TMED3: variants seen among roughly 807,000 people sequenced by gnomAD.
TMED3 encodes the protein transmembrane emp24 domain-containing protein 3.
TMED3 carries 9 observed loss-of-function variants against 15.0 expected under a neutral mutation model. The observed-to-expected ratio is 0.60, with a 90% CI of 0.36 to 1.04. TMED3 has a LOEUF of 1.04. Among genes scored for constraint, TMED3 ranks in the 50% least tolerant of loss-of-function variants. The pLI is 0.01. For synonymous variants in TMED3, 117 were observed against 121.4 expected (o/e 0.96, Z 0.24); for missense variants, 267 against 278.9 (o/e 0.96, Z 0.30).
intron 2 of TMED3, among the ~76,000 whole-genome samples, chr15:79,403,930 A>G (rs1216513458): frequency 3.3e-5 from 5 of 152,136 alleles, no homozygotes; most frequent in Non-Finnish European, 7.3e-5. Flanking sequence ...CATTGTATAT[A>G]TTGCATTCTG....
chr15:79,375,937 T>C (rs1333593921), intron 2 of TMED3, among the ~76,000 whole-genome samples: 1 of 152,092 alleles, frequency 6.6e-6, no homozygotes, highest in Non-Finnish European at 1.5e-5. Flanking sequence ...GCATCCAAGG[T>C]GAAGGGCAAA....
In TMED3 at chr15:79,411,498, C is replaced by G. The variant is rs1050839950; in HGVS notation, c.516C>G (p.Pro172=). Residue 172 remains proline, a synonymous_variant, in exon 3 of 3, where the codon CCC becomes CCG. Transcript: ENST00000424155. ...CCGAGGGACTGGGACGACTGGCACC[C>G]TCCTAACAGATTTTCAGCGGGGAGG... 1.0e-5 allele frequency: 7 copies of G among 702,314 alleles called. No individual in the cohort carries two copies. The Admixed American group carries it at 1.4e-4, about 14-fold the overall frequency. The allele number at this position is 702,314 out of a possible 1,614,324, so 43.5% of individuals were successfully genotyped here.
Position 79,322,438 on chromosome 15 carries a change from A to T in TMED3, c.*224A>T. On this transcript the variant is annotated 3_prime_UTR_variant, in exon 3 of 3. Transcript: ENST00000299705. ...CGACTGCATTAAGTGTGCAGCGCTGAAAAGACATTTACAACTAGGCCAGGG... is the reference window on the plus strand; with the variant it reads ...CGACTGCATTAAGTGTGCAGCGCTGTAAAGACATTTACAACTAGGCCAGGG... 2.9e-6 allele frequency: 4 copies of T among 1,375,446 alleles called. No individual in the cohort carries two copies. Among genetic ancestry groups the T allele is most frequent in the Non-Finnish European group, 2.8e-6 (3 of 1,066,986 alleles). 85.2% of individuals were successfully genotyped at this position (1,375,446 alleles called of 1,614,324 possible). A position where few individuals can be genotyped will look rare whatever the true frequency, so the allele number is the denominator to read the frequency against.
intron 2 of TMED3, among the ~76,000 whole-genome samples, chr15:79,388,452 T>G (rs1567038425): frequency 6.6e-6 from 1 of 152,140 alleles, no homozygotes; most frequent in Non-Finnish European, 1.5e-5. Context: ...CTGAGTAGTA[T>G]TCAATTTTGT....
chr15:79,334,622 G>A (rs1012748623), intron 2 of TMED3, among the ~76,000 whole-genome samples: 19 of 152,190 alleles, frequency 1.2e-4, no homozygotes, highest in African/African-American at 4.1e-4. Flanking sequence ...CCCACACAGT[G>A]TGACTCTTCA....
At chr15:79,372,364 C>A (rs1893355564) in intron 2 of TMED3, among the ~76,000 whole-genome samples, 1 of 152,318 alleles carries the variant, frequency 6.6e-6, no homozygotes, top group South Asian at 2.1e-4. Context: ...ACCTTCTCTG[C>A]AGAATTTTCT....
At chr15:79,341,558 A>G (rs1414169598) in intron 2 of TMED3, among the ~76,000 whole-genome samples, 1 of 152,218 alleles carries the variant, frequency 6.6e-6, no homozygotes, top group Non-Finnish European at 1.5e-5. Flanking sequence ...TTAGCGAGGC[A>G]GATGGAGAAG....
chr15:79,371,419 G>T (rs1893336286), intron 2 of TMED3, among the ~76,000 whole-genome samples: 1 of 152,048 alleles, frequency 6.6e-6, no homozygotes, highest in African/African-American at 2.4e-5. Context: ...GGTTCTTATT[G>T]CCTGCTGCCC....
intron 2 of TMED3, among the ~76,000 whole-genome samples, chr15:79,410,236 TA>T (rs1893956276): frequency 6.6e-6 from 1 of 152,164 alleles, no homozygotes; most frequent in Non-Finnish European, 1.5e-5. Flanking sequence ...CATGGTTAAA[TA>T]AACAAGACAT....
At position 79,353,575 on chromosome 15, in the gene TMED3, T is replaced by TACGC. The variant is rs376408980; in HGVS notation, c.417+39572_417+39573insGCAC. ...GATTTTAACCACTGGGGGTTAAAAA[T>TACGC]ACACACACACACACACACACACACA... is the stretch of plus-strand genomic sequence containing the variant. On this transcript the variant is annotated intron_variant, in intron 2 of 2. Coordinates refer to the TMED3 transcript ENST00000424155. Among the ~76,000 whole-genome samples, 4 of 135,596 alleles carry TACGC rather than the reference T, an allele frequency of 2.9e-5. No homozygotes were observed. The East Asian group carries it at 8.6e-4, about 29-fold the overall frequency. The allele number at this position is 135,596 out of a possible 152,430, so 89.0% of individuals were successfully genotyped here. A position where few individuals can be genotyped will look rare whatever the true frequency, so the allele number is the denominator to read the frequency against.
At chr15:79,347,278 AC>A (rs1335405540) in intron 2 of TMED3, among the ~76,000 whole-genome samples, 1 of 152,176 alleles carries the variant, frequency 6.6e-6, no homozygotes, top group Non-Finnish European at 1.5e-5. Flanking sequence ...AAGACAAAAA[AC>A]CCACATGATT....
At chr15:79,387,105 T>C (rs1274275604) in intron 2 of TMED3, among the ~76,000 whole-genome samples, 1 of 152,150 alleles carries the variant, frequency 6.6e-6, no homozygotes, top group Non-Finnish European at 1.5e-5. Context: ...TTATGGCTTC[T>C]ACAAAATGCC....
chr15:79,375,009 T>G (rs1204860544), intron 2 of TMED3, among the ~76,000 whole-genome samples: 2 of 152,218 alleles, frequency 1.3e-5, no homozygotes. Context: ...ATCCTTAAAT[T>G]GCTAATCTTA....
At position 79,409,752 on chromosome 15, in the gene TMED3, G is replaced by A. The variant is rs76543513; in HGVS notation, c.418-1648G>A. ...GAATGCCTTTGGTTTGCCTGGAGCC[G>A]AGTGACAGCTATGTATTATGGGTGA... On this transcript the variant is annotated intron_variant, in intron 2 of 2. Coordinates refer to the TMED3 transcript ENST00000424155. Among the ~76,000 whole-genome samples, 133 of 152,266 alleles carry A rather than the reference G, an allele frequency of 8.7e-4. No homozygotes were observed. In the East Asian group the frequency reaches 0.022, roughly 26 times the overall value.
At chr15:79,346,687 T>A (rs975956323) in intron 2 of TMED3, among the ~76,000 whole-genome samples, 1 of 152,176 alleles carries the variant, frequency 6.6e-6, no homozygotes, top group African/African-American at 2.4e-5. Flanking sequence ...CTTGAATTGA[T>A]TTTTGTATAT....
chr15:79,402,701 G>T (rs1475567793), intron 2 of TMED3, among the ~76,000 whole-genome samples: 2 of 151,822 alleles, frequency 1.3e-5, no homozygotes, highest in African/African-American at 4.8e-5. Context: ...GCAGGGAATT[G>T]CTTGAACCCA....
At chr15:79,368,759 C>T (rs1281434779) in intron 2 of TMED3, among the ~76,000 whole-genome samples, 1 of 151,768 alleles carries the variant, frequency 6.6e-6, no homozygotes, top group Non-Finnish European at 1.5e-5. Flanking sequence ...CTTCTTGTTC[C>T]CCTGATTTTC....
chr15:79,402,374 T>G (rs1893845650), intron 2 of TMED3, among the ~76,000 whole-genome samples: 1 of 152,206 alleles, frequency 6.6e-6, no homozygotes, highest in Non-Finnish European at 1.5e-5. Context: ...ATGCTGAGGC[T>G]TTAGAGAAGC....
chr15:79,367,208 T>G (rs535487388), intron 2 of TMED3, among the ~76,000 whole-genome samples: 37 of 152,298 alleles, frequency 2.4e-4, no homozygotes, highest in African/African-American at 8.7e-4. Flanking sequence ...GATGCAGAAC[T>G]AAAACAGAGT....
Sources: gnomAD v4.1 joint callset for allele counts (sites outside exome capture counted in the v4.1 genomes callset) on GRCh38, gnomAD v4.1.1 for gene constraint, MANE v1.5 for transcripts, NCBI Gene and HGNC (gene_info 2026-07-23, HGNC 2026-07-21) for gene names.